The following ERC2 variants were observed in gnomAD, a reference collection of about 807,000 sequenced individuals.
ERC2 encodes ERC protein 2.
In ERC2, 42 loss-of-function variants were observed where a neutral mutation model predicts 114.8. The observed-to-expected ratio is 0.37, with a 90% CI of 0.29 to 0.47. The LOEUF is 0.47. ERC2 is among the 20% of genes least tolerant of loss of function. ERC2 has a pLI of 0.99. For synonymous variants in ERC2, 454 were observed against 425.5 expected, an observed-to-expected ratio of 1.07 and a Z score of -0.82; for missense variants, 939 against 1,150.7, an observed-to-expected ratio of 0.82 and a Z score of 2.66.
chr3:56,425,006 T>A (rs533735655), intron 2 of ERC2, among the ~76,000 whole-genome samples: 21 of 152,312 alleles, frequency 1.4e-4, no homozygotes, highest in African/African-American at 5.0e-4. Flanking sequence ...CTATGACTGA[T>A]AAGCCCTTAA....
intron 13 of ERC2, among the ~76,000 whole-genome samples, chr3:55,922,085 A>T (rs1178390984): frequency 1.3e-5 from 2 of 152,176 alleles, no homozygotes; most frequent in Non-Finnish European, 2.9e-5. Flanking sequence ...CTTCAAACTA[A>T]ATAAGTGGAC....
intron 2 of ERC2, among the ~76,000 whole-genome samples, chr3:56,390,724 G>A (rs2060098506): frequency 6.6e-6 from 1 of 152,136 alleles, no homozygotes; most frequent in Admixed American, 6.5e-5. Flanking sequence ...GAGTTAGCTG[G>A]TTCATATGCA....
chr3:55,705,338 C>T (rs999952350), intron 15 of ERC2, among the ~76,000 whole-genome samples: 3 of 152,064 alleles, frequency 2.0e-5, no homozygotes, highest in African/African-American at 7.2e-5. Context: ...CCTCCAATCA[C>T]CTTGAGAGGA....
At chr3:55,727,700 C>A (rs1432137346) in intron 15 of ERC2, among the ~76,000 whole-genome samples, 5 of 152,156 alleles carry the variant, frequency 3.3e-5, no homozygotes, top group African/African-American at 9.7e-5. Flanking sequence ...CAGGAGTTTT[C>A]AGGGATGAAA....
intron 7 of ERC2, among the ~76,000 whole-genome samples, chr3:56,031,693 A>G (rs2074389086): frequency 6.6e-6 from 1 of 152,246 alleles, no homozygotes; most frequent in Non-Finnish European, 1.5e-5. Flanking sequence ...ACAATTCATA[A>G]CAATCATCTT....
rs2060016944 is a variant in ERC2, at chr3:55,819,121, TG to T, written c.2564+69267del. ...TAAATGCATTCAAATAAACATCTTT[TG>T]GTGCCAGAAATGCCATGGGCACATA... On this transcript the variant is annotated intron_variant, in intron 14 of 17. Transcript: ENST00000288221. Among the ~76,000 whole-genome samples, 5 of 152,342 alleles carry T rather than the reference TG, an allele frequency of 3.3e-5. No homozygotes were observed. The South Asian group carries it at 1.0e-3, about 32-fold the overall frequency.
chr3:56,072,608 T>G (rs2076789709), intron 7 of ERC2, among the ~76,000 whole-genome samples: 1 of 152,138 alleles, frequency 6.6e-6, no homozygotes, highest in South Asian at 2.1e-4. Context: ...AACAGAAAAT[T>G]TTACCCTATC....
intron 8 of ERC2, among the ~76,000 whole-genome samples, chr3:56,014,327 C>T (rs948627900): frequency 3.9e-5 from 6 of 152,170 alleles, no homozygotes; most frequent in African/African-American, 7.2e-5. Context: ...CCCTTCTAGT[C>T]GTCTAAGTTC....
intron 2 of ERC2, among the ~76,000 whole-genome samples, chr3:56,352,181 A>T (rs901170169): frequency 2.0e-5 from 3 of 152,272 alleles, no homozygotes; most frequent in Non-Finnish European, 4.4e-5. Flanking sequence ...GAGACAATGT[A>T]GATAACAGCG....
At chr3:56,062,318 C>CTCCAG (rs374708139) in intron 7 of ERC2, among the ~76,000 whole-genome samples, 1 of 152,278 alleles carries the variant, frequency 6.6e-6, no homozygotes, top group African/African-American at 2.4e-5. Flanking sequence ...CTGTACACCT[C>CTCCAG]TGTACAAGAT....
intron 17 of ERC2, among the ~76,000 whole-genome samples, chr3:55,672,280 C>T (rs1402514510): frequency 6.7e-6 from 1 of 149,478 alleles, no homozygotes; most frequent in Non-Finnish European, 1.5e-5. Context: ...CTGAGACTGC[C>T]GAGAGCCATG....
At chr3:56,171,984 A>C (rs1275723859) in intron 4 of ERC2, among the ~76,000 whole-genome samples, 1 of 148,774 alleles carries the variant, frequency 6.7e-6, no homozygotes, top group Non-Finnish European at 1.5e-5. Flanking sequence ...AAAACAAAAA[A>C]CAAAAAAAAA....
intron 2 of ERC2, among the ~76,000 whole-genome samples, chr3:56,301,824 C>T (rs757301378): frequency 2.0e-5 from 3 of 152,084 alleles, no homozygotes; most frequent in African/African-American, 4.8e-5. Flanking sequence ...TTCTGTGCCT[C>T]GGTCTCCCCA....
At chr3:56,422,692 T>G (rs1225611230) in intron 2 of ERC2, among the ~76,000 whole-genome samples, 1 of 152,144 alleles carries the variant, frequency 6.6e-6, no homozygotes, top group Non-Finnish European at 1.5e-5. Flanking sequence ...AAGTTTGATG[T>G]TTTTCCCTTC....
At chr3:56,266,382 G>A (rs926659902) in intron 3 of ERC2, among the ~76,000 whole-genome samples, 8 of 151,802 alleles carry the variant, frequency 5.3e-5, no homozygotes, top group African/African-American at 1.5e-4. Flanking sequence ...CACCCGCCTC[G>A]GCCTCCCAAA....
chr3:55,746,346 G>A (rs1476289300), intron 14 of ERC2, among the ~76,000 whole-genome samples: 1 of 151,942 alleles, frequency 6.6e-6, no homozygotes, highest in East Asian at 1.9e-4. Flanking sequence ...CGATTCTCCT[G>A]CCTCAGCCTC....
intron 2 of ERC2, among the ~76,000 whole-genome samples, chr3:56,416,467 G>A (rs2061159123): frequency 6.6e-6 from 1 of 152,064 alleles, no homozygotes; most frequent in East Asian, 1.9e-4. Flanking sequence ...ACCCTTCAAA[G>A]CTAACCTCCT....
At chr3:56,190,047 C>G (rs2083891314) in intron 3 of ERC2, among the ~76,000 whole-genome samples, 1 of 152,130 alleles carries the variant, frequency 6.6e-6, no homozygotes, top group Admixed American at 6.5e-5. Context: ...TAAGCCAGGC[C>G]TCAAGTATGA....
At chr3:55,610,590 A>C (rs905697843) in intron 17 of ERC2, 1 of 150,922 alleles carries the variant, frequency 6.6e-6, no homozygotes, top group Admixed American at 6.6e-5. Flanking sequence ...AGTACCAACT[A>C]TCCGGAAGGC....
Sources: gnomAD v4.1 joint callset for allele counts (sites outside exome capture counted in the v4.1 genomes callset) on GRCh38, gnomAD v4.1.1 for gene constraint, MANE v1.5 for transcripts, NCBI Gene and HGNC (gene_info 2026-07-23, HGNC 2026-07-21) for gene names.